The following ARMC3 variants were observed in gnomAD, a reference collection of about 807,000 sequenced individuals.
ARMC3 encodes armadillo repeat-containing protein 3.
In ARMC3, 74 loss-of-function variants were observed where a neutral mutation model predicts 90.3. The observed-to-expected ratio is 0.82, with a 90% CI of 0.68 to 0.99. The LOEUF (loss-of-function observed/expected upper bound fraction) is 0.99, where lower values mean the gene tolerates loss of function less well. Among genes scored for constraint, ARMC3 ranks in the 50% least tolerant of loss-of-function variants. The pLI, the probability that ARMC3 is intolerant of heterozygous loss-of-function variation, is 0.00. For synonymous variants in ARMC3, 334 were observed against 361.8 expected, an observed-to-expected ratio of 0.92 and a Z score of 0.87; for missense variants, 958 against 1,042.8, an observed-to-expected ratio of 0.92 and a Z score of 1.12.
At chr10:22,969,471 TCCATTTTCAGCACACA>T (rs1835587492) in intron 8 of ARMC3, among the ~76,000 whole-genome samples, 1 of 152,144 alleles carries the variant, frequency 6.6e-6, no homozygotes, top group Non-Finnish European at 1.5e-5. Context: ...TGGGAAACAC[TCCATTTTCAGCACACA>T]CTGGATTTCT....
intron 16 of ARMC3, among the ~76,000 whole-genome samples, chr10:23,022,500 G>A (rs575615626): frequency 6.6e-6 from 1 of 152,114 alleles, no homozygotes; most frequent in South Asian, 2.1e-4. Flanking sequence ...TGACTTGGGG[G>A]AAAACACAGC....
intron 18 of ARMC3, among the ~76,000 whole-genome samples, chr10:23,035,494 G>C (rs1392097325): frequency 6.6e-6 from 1 of 152,010 alleles, no homozygotes; most frequent in African/African-American, 2.4e-5. Flanking sequence ...ATACTCACTG[G>C]TAAAATATCT....
chr10:23,033,008 AG>A lies in ARMC3; in HGVS notation c.2395del (p.Ala799LeufsTer17). ...TCAAAAAAGGAATCTTCTACCATCG[AG>A]CTTTGCTTTTCAAGGTGTGTAAGGT... ...HVKKGIFYHRALLFKALADRI... is the reference protein window; with the variant it reads ...HVKKGIFYHRXLLFKALADRI... On this transcript the variant is annotated frameshift_variant, in exon 18 of 19. Coordinates refer to ENST00000298032, the MANE Select transcript of ARMC3 (RefSeq NM_173081.5). LOFTEE classifies it low-confidence loss of function (END_TRUNC). 3 of 1,612,612 alleles carry A rather than the reference AG, an allele frequency of 1.9e-6. No homozygotes were observed. Among genetic ancestry groups the A allele is most frequent in the Non-Finnish European group, 2.5e-6 (3 of 1,179,152 alleles).
intron 10 of ARMC3, chr10:22,997,233 TTTAAAA>T: frequency 6.6e-6 from 1 of 152,328 alleles, no homozygotes; most frequent in Non-Finnish European, 1.5e-5. Flanking sequence ...TTTAAACTGA[TTTAAAA>T]ATAAGGACAG....
At chr10:23,014,022 C>T (rs1368116722) in intron 16 of ARMC3, 1 of 1,506,634 alleles carries the variant, frequency 6.6e-7, no homozygotes. Flanking sequence ...CCAGGGAGAA[C>T]AAATATAAAC....
intron 16 of ARMC3, among the ~76,000 whole-genome samples, chr10:23,020,718 T>C (rs754533442): frequency 8.5e-5 from 13 of 152,212 alleles, no homozygotes; most frequent in Non-Finnish European, 1.9e-4. Context: ...TTCATGTGCT[T>C]ATTTGCCATC....
chr10:22,943,650 T>C (rs1466728854), intron 2 of ARMC3, among the ~76,000 whole-genome samples: 12 of 152,144 alleles, frequency 7.9e-5, no homozygotes, highest in Non-Finnish European at 1.6e-4. Flanking sequence ...AGAATTGCAT[T>C]GGCCAGGTGA....
chr10:22,992,397 C>T (rs1165363596), intron 10 of ARMC3, among the ~76,000 whole-genome samples: 14 of 152,030 alleles, frequency 9.2e-5, no homozygotes, highest in African/African-American at 2.9e-4. Flanking sequence ...GTAATCAATT[C>T]GGTTTCACAT....
intron 6 of ARMC3, 165 bp downstream of exon 6, chr10:22,959,739 A>G: frequency 1.4e-6 from 1 of 712,292 alleles, no homozygotes; most frequent in South Asian, 1.9e-5. Flanking sequence ...AGCTTAATGT[A>G]GATAATCTTT....
chr10:23,014,304 A>C, intron 16 of ARMC3: 1 of 1,425,474 alleles, frequency 7.0e-7, no homozygotes, highest in Admixed American at 2.6e-5. Context: ...CACCTAGCAC[A>C]CTTAGGGGCT....
At chr10:22,930,883 C>A (rs1757154792) in intron 1 of ARMC3, among the ~76,000 whole-genome samples, 1 of 152,068 alleles carries the variant, frequency 6.6e-6, no homozygotes, top group South Asian at 2.1e-4. Flanking sequence ...CTGAAGAAAA[C>A]TAGATAGATT....
chr10:22,981,755 G>C, intron 10 of ARMC3, 55 bp downstream of exon 10: 1 of 1,420,346 alleles, frequency 7.0e-7, no homozygotes, highest in Non-Finnish European at 9.9e-7. Flanking sequence ...CACAGTCCAA[G>C]ATGTTCTCCT....
chr10:22,948,381 A>C (rs78214903), intron 3 of ARMC3, among the ~76,000 whole-genome samples: 2,179 of 152,264 alleles, frequency 0.014, 50 homozygotes, highest in African/African-American at 0.049. Flanking sequence ...AGAAATAGGC[A>C]TGTATTTCAT....
rs145514478 is a variant in ARMC3 at position 23,033,481 on chromosome 10, G to A, written c.2409+458G>A. ...TATCAAGTAAAGAAGGAAAACAAGC[G>A]TATACTAAACAGAGAAAACATCTTA... On this transcript the variant is annotated intron_variant, in intron 18 of 18. Transcript: ENST00000298032. Among the ~76,000 whole-genome samples, 178 of 152,194 alleles carry A rather than the reference G, an allele frequency of 1.2e-3. 2 individuals are homozygous for A. In the South Asian group the frequency reaches 0.031, roughly 26 times the overall value.
At chr10:23,002,965 G>C (rs1323755753) in intron 12 of ARMC3, among the ~76,000 whole-genome samples, 1 of 152,144 alleles carries the variant, frequency 6.6e-6, no homozygotes, top group Admixed American at 6.5e-5. Flanking sequence ...TGAAAAAGTT[G>C]AGGTCCAATA....
chr10:22,970,771 G>A (rs1161192897), intron 8 of ARMC3, among the ~76,000 whole-genome samples: 3 of 152,326 alleles, frequency 2.0e-5, no homozygotes, highest in African/African-American at 4.8e-5. Flanking sequence ...GATGAGGCCA[G>A]GTTTCTGGCT....
chr10:22,984,715 A>T (rs922324719), intron 10 of ARMC3, among the ~76,000 whole-genome samples: 1 of 152,174 alleles, frequency 6.6e-6, no homozygotes, highest in Non-Finnish European at 1.5e-5. Flanking sequence ...CATCACCTTA[A>T]TTGATGCCAA....
chr10:22,952,445 C>A (rs1158666107), intron 3 of ARMC3, among the ~76,000 whole-genome samples: 1 of 151,952 alleles, frequency 6.6e-6, no homozygotes, highest in Non-Finnish European at 1.5e-5. Flanking sequence ...ATTAAGTGGA[C>A]AATTTTATTT....
chr10:23,017,452 C>T (rs1838324071), intron 16 of ARMC3, among the ~76,000 whole-genome samples: 1 of 152,106 alleles, frequency 6.6e-6, no homozygotes, highest in Non-Finnish European at 1.5e-5. Context: ...GTAACAGATG[C>T]TCAATATGCA....
Sources: allele counts gnomAD v4.1 joint callset (sites outside exome capture counted in the v4.1 genomes callset), GRCh38; gene constraint gnomAD v4.1.1; transcripts MANE v1.5; gene names NCBI Gene and HGNC (gene_info 2026-07-23, HGNC 2026-07-21).